PALM2AKAP2: variants seen among roughly 807,000 people sequenced by gnomAD.
PALM2AKAP2 encodes the protein PALM2-AKAP2 fusion protein.
In PALM2AKAP2, 37 loss-of-function variants were observed where a neutral mutation model predicts 71.5. The observed-to-expected ratio is 0.52, with a 90% CI of 0.40 to 0.68. The LOEUF is 0.68. Ranked by LOEUF, PALM2AKAP2 falls within the 30% of genes least tolerant of loss-of-function variation. PALM2AKAP2 has a pLI of 0.00. For missense variants in PALM2AKAP2, 1,224 were observed against 1,191.8 expected, an observed-to-expected ratio of 1.03 and a Z score of -0.40; for synonymous variants, 468 against 478.8, an observed-to-expected ratio of 0.98 and a Z score of 0.29.
Position 110,083,150 on chromosome 9 carries a change from C to CA in PALM2AKAP2, c.156+34302dup, listed in dbSNP as rs1254099471. On this transcript the variant is annotated intron_variant, in intron 1 of 3. Coordinates refer to ENST00000374525, the Ensembl canonical transcript of PALM2AKAP2. ...GAGTGAAACTTGGTCTCAAAAAAAGCAAAAAAACAAAAAACAAAAACAATG... is the reference window on the plus strand; with the variant it reads ...GAGTGAAACTTGGTCTCAAAAAAAGCAAAAAAAACAAAAAACAAAAACAATG... Among the ~76,000 whole-genome samples, 3 of 151,606 alleles carry CA rather than the reference C, an allele frequency of 2.0e-5. No individual in the cohort carries two copies. In the East Asian group the frequency reaches 5.8e-4, roughly 29 times the overall value.
intron 6 of PALM2AKAP2, among the ~76,000 whole-genome samples, chr9:109,933,593 G>T (rs960095969): frequency 1.3e-5 from 2 of 152,226 alleles, no homozygotes; most frequent in Admixed American, 6.5e-5. Flanking sequence ...TGATTGTAGT[G>T]CTGTGTAAGC....
At chr9:109,702,355 A>T (rs1004775849) in intron 1 of PALM2AKAP2, among the ~76,000 whole-genome samples, 1 of 152,228 alleles carries the variant, frequency 6.6e-6, no homozygotes, top group Non-Finnish European at 1.5e-5. Context: ...ATGTCCAACA[A>T]TGATATACTG....
chr9:110,006,560 G>A (rs531847829), intron 6 of PALM2AKAP2, among the ~76,000 whole-genome samples: 6 of 151,722 alleles, frequency 4.0e-5, no homozygotes, highest in South Asian at 2.1e-4. Flanking sequence ...ATGGGGTCTC[G>A]CCATGTTGCC....
At chr9:109,817,776 C>T (rs1483545047) in intron 1 of PALM2AKAP2, among the ~76,000 whole-genome samples, 1 of 152,208 alleles carries the variant, frequency 6.6e-6, no homozygotes, top group African/African-American at 2.4e-5. Context: ...CGCTTGGAAA[C>T]AGGGCCCCTT....
intron 1 of PALM2AKAP2, chr9:110,048,873 G>A (rs1484044661): frequency 1.3e-6 from 2 of 1,525,140 alleles, no homozygotes; most frequent in South Asian, 1.2e-5. Context: ...TCCAAGCTGG[G>A]GAGGGGAGGG....
At chr9:110,086,063 C>T (rs974369573) in intron 1 of PALM2AKAP2, among the ~76,000 whole-genome samples, 1 of 146,436 alleles carries the variant, frequency 6.8e-6, no homozygotes, top group Non-Finnish European at 1.5e-5. Context: ...GCTGAGATTG[C>T]ACTACTGCAC....
intron 7 of PALM2AKAP2, among the ~76,000 whole-genome samples, chr9:110,036,773 G>C (rs1424396797): frequency 6.6e-6 from 1 of 152,074 alleles, no homozygotes; most frequent in African/African-American, 2.4e-5. Context: ...CAGCTCTGAA[G>C]TCCTCCTGGC....
At chr9:109,848,156 G>C (rs1828915820) in intron 1 of PALM2AKAP2, among the ~76,000 whole-genome samples, 1 of 152,204 alleles carries the variant, frequency 6.6e-6, no homozygotes, top group Admixed American at 6.5e-5. Flanking sequence ...CCCCTATATT[G>C]ATGATACTTC....
intron 1 of PALM2AKAP2, among the ~76,000 whole-genome samples, chr9:109,653,135 C>A (rs561965749): frequency 6.6e-6 from 1 of 152,152 alleles, no homozygotes. Flanking sequence ...ATGCTGCCTC[C>A]GTGATCATGG....
intron 7 of PALM2AKAP2, chr9:110,025,385 T>A (rs1418890427): frequency 1.2e-6 from 1 of 856,444 alleles, no homozygotes; most frequent in Non-Finnish European, 1.9e-6. Flanking sequence ...AAGATGGAGG[T>A]TCCGCCCGAA....
rs1554737842 is a variant in PALM2AKAP2 at position 110,011,022 on chromosome 9, T to TATATATAG, written c.497-4925_497-4924insGATATATA. Reference sequence around the variant, plus strand: ...AAAAAAAAAAAAAAAAAAATATATATATATATATATATATACTTTTGTATA... The same window carrying TATATATAG: ...AAAAAAAAAAAAAAAAAAATATATATATATATAGATATATATATATATACTTTTGTATA... On this transcript the variant is annotated intron_variant, in intron 6 of 9. Transcript: ENST00000302798. Among the ~76,000 whole-genome samples the TATATATAG allele has an allele frequency of 8.2e-3, 1,085 of 132,094 alleles. 27 individuals carry two copies. The highest frequency in any genetic ancestry group is 0.031 in the African/African-American group (1,047 of 33,970). 86.7% of individuals were successfully genotyped at this position (132,094 alleles called of 152,430 possible). A position where few individuals can be genotyped will look rare whatever the true frequency, so the allele number is the denominator to read the frequency against.
chr9:109,967,675 G>A (rs962731695), intron 6 of PALM2AKAP2, among the ~76,000 whole-genome samples: 1 of 152,220 alleles, frequency 6.6e-6, no homozygotes, highest in Non-Finnish European at 1.5e-5. Flanking sequence ...CTCCCAAAGT[G>A]TTGGGGTTAC....
At chr9:109,748,011 T>G (rs999114391) in intron 1 of PALM2AKAP2, among the ~76,000 whole-genome samples, 4 of 152,190 alleles carry the variant, frequency 2.6e-5, no homozygotes, top group Non-Finnish European at 1.5e-5. Context: ...AATGACTCTA[T>G]CAAAAGTTAT....
At chr9:109,896,980 G>A (rs181121833) in intron 3 of PALM2AKAP2, among the ~76,000 whole-genome samples, 1 of 150,412 alleles carries the variant, frequency 6.6e-6, no homozygotes, top group African/African-American at 2.4e-5. Flanking sequence ...GTTTTTTTTT[G>A]CCTCTTTTTA....
At chr9:109,756,871 C>T (rs1828971931) in intron 1 of PALM2AKAP2, among the ~76,000 whole-genome samples, 1 of 152,036 alleles carries the variant, frequency 6.6e-6, no homozygotes, top group Admixed American at 6.6e-5. Context: ...TTATAGGGCA[C>T]ATGTGATATT....
At chr9:109,947,223 G>T (rs1831530389) in intron 6 of PALM2AKAP2, among the ~76,000 whole-genome samples, 1 of 152,106 alleles carries the variant, frequency 6.6e-6, no homozygotes, top group African/African-American at 2.4e-5. Flanking sequence ...ACATGTATTT[G>T]CTTAAAACGT....
intron 1 of PALM2AKAP2, among the ~76,000 whole-genome samples, chr9:110,130,369 C>G (rs1274323403): frequency 1.7e-4 from 26 of 152,176 alleles, no homozygotes; most frequent in Admixed American, 1.7e-3. Context: ...TCTTTGGACG[C>G]TAAACTCTGA....
intron 6 of PALM2AKAP2, among the ~76,000 whole-genome samples, chr9:109,994,896 C>G (rs1409143361): frequency 1.3e-5 from 2 of 152,150 alleles, no homozygotes; most frequent in Non-Finnish European, 2.9e-5. Flanking sequence ...GTCAGGGGCT[C>G]TCTTGTTCTA....
chr9:109,769,078 T>A (rs184556216), intron 1 of PALM2AKAP2, among the ~76,000 whole-genome samples: 2 of 150,876 alleles, frequency 1.3e-5, no homozygotes, highest in Admixed American at 1.3e-4. Context: ...TGCATTAGTT[T>A]GTTTCTGCCT....
Sources: allele counts gnomAD v4.1 joint callset (sites outside exome capture counted in the v4.1 genomes callset), GRCh38; gene constraint gnomAD v4.1.1; transcripts MANE v1.5; gene names NCBI Gene and HGNC (gene_info 2026-07-23, HGNC 2026-07-21).